Variants in JAK1 observed in about 807,000 individuals in gnomAD.
JAK1 encodes tyrosine-protein kinase JAK1.
JAK1 carries 16 observed loss-of-function variants against 136.6 expected under a neutral mutation model. That is an observed-to-expected ratio of 0.12 (90% CI 0.08 to 0.18). The LOEUF (loss-of-function observed/expected upper bound fraction) is 0.18. JAK1 is among the 10% of genes least tolerant of loss of function. JAK1 has a pLI of 1.00. For synonymous variants in JAK1, 492 were observed against 519.5 expected (o/e 0.95, Z 0.72); for missense variants, 859 against 1,450.1 (o/e 0.59, Z 6.62).
At position 65,024,106 on chromosome 1, in the gene JAK1, T is replaced by G. The variant is rs564690910; in HGVS notation, c.-78+20374A>C. Among the ~76,000 whole-genome samples, 5 of 152,276 alleles carry G rather than the reference T, an allele frequency of 3.3e-5. No homozygotes were observed. In the South Asian group the frequency reaches 8.3e-4, roughly 25 times the overall value. Reference sequence around the variant, plus strand: ...GTACAAAACTTTTTGCGGCCATATATTTCCATGTTTTGGGGGTATATACCT... The same window carrying G: ...GTACAAAACTTTTTGCGGCCATATAGTTCCATGTTTTGGGGGTATATACCT... On this transcript the variant is annotated intron_variant, in intron 2 of 25. Transcript: ENST00000671954.
Position 64,844,900 on chromosome 1 carries a change from A to G in JAK1, c.2116-11T>C. The G allele has an allele frequency of 6.2e-7, 1 of 1,614,142 alleles. No individual in the cohort carries two copies. Among genetic ancestry groups the G allele is most frequent in the South Asian group, 1.1e-5 (1 of 91,086 alleles). On this transcript the variant is annotated splice_polypyrimidine_tract_variant and intron_variant, in intron 15 of 24. Coordinates refer to ENST00000342505, the MANE Select transcript of JAK1 (RefSeq NM_002227.4). The surrounding 1 kb of genome is among the most constrained non-coding windows in gnomAD (Gnocchi z 5.7). ...CAGGTCTTTATCCTCCTGCAGAGTA[A>G]AAAGGTCAAGTTTAGCCAAGCTGCT...
At chr1:64,945,805 T>C (rs1277392919) in intron 1 of JAK1, among the ~76,000 whole-genome samples, 1 of 151,940 alleles carries the variant, frequency 6.6e-6, no homozygotes, top group Non-Finnish European at 1.5e-5. Flanking sequence ...CTCAGCTCAC[T>C]ACAACCTCCA....
chr1:65,037,793 G>C (rs1647088583), intron 2 of JAK1, among the ~76,000 whole-genome samples: 1 of 152,172 alleles, frequency 6.6e-6, no homozygotes, highest in Admixed American at 6.5e-5. Context: ...CTCTTGCCAG[G>C]AGGTCAAGGC....
chr1:64,949,211 C>T (rs1277063182), intron 1 of JAK1, among the ~76,000 whole-genome samples: 1 of 152,086 alleles, frequency 6.6e-6, no homozygotes, highest in Admixed American at 6.6e-5. Context: ...AGAAAATATC[C>T]CCACTAAGCA....
chr1:64,947,878 T>G (rs757963010), intron 1 of JAK1, among the ~76,000 whole-genome samples: 10 of 152,066 alleles, frequency 6.6e-5, no homozygotes, highest in Admixed American at 3.3e-4. Flanking sequence ...ATTTTTCAAT[T>G]TAAATCTATA....
intron 1 of JAK1, among the ~76,000 whole-genome samples, chr1:64,941,374 C>A (rs1569641645): frequency 6.6e-6 from 1 of 152,226 alleles, no homozygotes; most frequent in East Asian, 1.9e-4. Flanking sequence ...AATGTGACAA[C>A]ATGACTACAA....
In JAK1 at chr1:64,841,231, C is replaced by G; in HGVS notation, c.2649+14G>C. On this transcript the variant is annotated intron_variant, in intron 19 of 24. Coordinates refer to ENST00000342505, the MANE Select transcript of JAK1 (RefSeq NM_002227.4). ...GCTCTGCCATCAGCAGCAAGCAGCA[C>G]GGGTGTAACTTACCTCTCCCAAGTC... 1 of 1,589,210 alleles carries G rather than the reference C, an allele frequency of 6.3e-7. No individual in the cohort carries two copies. Among genetic ancestry groups the G allele is most frequent in the East Asian group, 2.2e-5 (1 of 44,744 alleles).
intron 5 of JAK1, among the ~76,000 whole-genome samples, chr1:64,869,909 G>C (rs1351466256): frequency 6.6e-6 from 1 of 152,126 alleles, no homozygotes; most frequent in African/African-American, 2.4e-5. Flanking sequence ...CCTCCATTCT[G>C]GTGTAGCTCT....
chr1:64,988,501 A>C (rs943345351), intron 2 of JAK1, among the ~76,000 whole-genome samples: 1 of 152,170 alleles, frequency 6.6e-6, no homozygotes, highest in Non-Finnish European at 1.5e-5. Context: ...CTCAAAAAAC[A>C]AGCAGAATCT....
chr1:64,964,857 A>G (rs1298501260), intron 1 of JAK1, among the ~76,000 whole-genome samples: 2 of 152,198 alleles, frequency 1.3e-5, no homozygotes, highest in African/African-American at 2.4e-5. Flanking sequence ...ATTACAAAGC[A>G]TATTGTACCA....
chr1:64,836,245 T>C (rs1654470077), intron 22 of JAK1, 30 bp from the exon 23 acceptor site: 3 of 1,322,676 alleles, frequency 2.3e-6, no homozygotes, highest in Non-Finnish European at 3.3e-6. Flanking sequence ...CAAAACTTCA[T>C]TTCCTGGGAG....
chr1:64,957,311 T>C (rs551192893), intron 1 of JAK1, among the ~76,000 whole-genome samples: 25 of 152,288 alleles, frequency 1.6e-4, no homozygotes, highest in Admixed American at 3.9e-4. Flanking sequence ...CCCTAATGCA[T>C]TATAAGGCCC....
intron 10 of JAK1, among the ~76,000 whole-genome samples, 180 bp from the exon 11 acceptor site, chr1:64,855,878 TA>T (rs761555682): frequency 8.9e-5 from 12 of 134,392 alleles, no homozygotes; most frequent in Middle Eastern, 3.5e-3. Flanking sequence ...AACCAACAAC[TA>T]ACTAAATAAT....
At chr1:64,840,084 T>C (rs768237733) in intron 19 of JAK1, among the ~76,000 whole-genome samples, 1 of 152,244 alleles carries the variant, frequency 6.6e-6, no homozygotes. Context: ...AGGTTATTTC[T>C]GGGCCTGCAG....
At chr1:64,845,319 T>A (rs1036190635) in intron 15 of JAK1, among the ~76,000 whole-genome samples, 194 bp downstream of exon 15, 1 of 152,160 alleles carries the variant, frequency 6.6e-6, no homozygotes, top group Non-Finnish European at 1.5e-5. Flanking sequence ...AGAACTCATG[T>A]GAGCACAGGG....
chr1:64,890,650 A>T (rs1644921014), intron 1 of JAK1, among the ~76,000 whole-genome samples: 1 of 152,246 alleles, frequency 6.6e-6, no homozygotes, highest in African/African-American at 2.4e-5. Flanking sequence ...CTCTTCATCA[A>T]GTACCTACAA....
At chr1:64,958,420 CAGAATGGTTTTA>C in intron 1 of JAK1, among the ~76,000 whole-genome samples, 1 of 152,314 alleles carries the variant, frequency 6.6e-6, no homozygotes, top group Non-Finnish European at 1.5e-5. Context: ...TTAAGTTTTA[CAGAATGGTTTTA>C]ACTGAACAAA....
chr1:65,031,155 CAAAAA>C lies in JAK1; in HGVS notation c.-78+13320_-78+13324del, dbSNP rs375856684. Among the ~76,000 whole-genome samples the C allele has an allele frequency of 2.9e-5, 2 of 68,274 alleles. 1 individual carries two copies. Among genetic ancestry groups the C allele is most frequent in the East Asian group, 7.0e-4 (2 of 2,876 alleles). The allele number at this position is 68,274 out of a possible 152,430, so 44.8% of individuals were successfully genotyped here. ...GGCAACAGAGTGAGAGACCCTATCT[CAAAAA>C]AAAAAAAAAAAAAAAAGGAAAAATA... On this transcript the variant is annotated intron_variant, in intron 2 of 25. Transcript: ENST00000671954.
At chr1:64,960,398 C>T (rs1015442903) in intron 1 of JAK1, among the ~76,000 whole-genome samples, 8 of 152,184 alleles carry the variant, frequency 5.3e-5, no homozygotes, top group African/African-American at 9.7e-5. Context: ...AAACTCACAG[C>T]TAGGATCAAA....
Sources: gnomAD v4.1 joint callset for allele counts (sites outside exome capture counted in the v4.1 genomes callset) on GRCh38, gnomAD v4.1.1 for gene constraint, Gnocchi (gnomAD v3.1) non-coding constraint, MANE v1.5 for transcripts, NCBI Gene and HGNC (gene_info 2026-07-23, HGNC 2026-07-21) for gene names.